The following DMD variants were observed in gnomAD, a reference collection of about 807,000 sequenced individuals.
DMD encodes mutant dystrophin.
In DMD, 63 loss-of-function variants were observed where a neutral mutation model predicts 330.1. The observed-to-expected ratio is 0.19, with a 90% CI of 0.16 to 0.24. DMD has a LOEUF of 0.24. Ranked by LOEUF, DMD falls within the 10% of genes least tolerant of loss-of-function variation. The probability of loss-of-function intolerance (pLI) is 1.00; values close to 1 mark genes in which losing one functional copy is unlikely to be tolerated. For missense variants in DMD, 3,344 were observed against 2,684.1 expected (o/e 1.25, Z -5.43); for synonymous variants, 1,223 against 959.8 (o/e 1.27, Z -5.07).
intron 2 of DMD, among the ~76,000 whole-genome samples, chrX:32,941,622 G>C (rs974130667): frequency 9.0e-6 from 1 of 110,917 alleles, no homozygotes; most frequent in Non-Finnish European, 1.9e-5. Context: ...TGGACATAAA[G>C]GTGAAAACGA....
At chrX:31,502,628 A>G (rs993326969) in intron 56 of DMD, among the ~76,000 whole-genome samples, 5 of 111,619 alleles carry the variant, frequency 4.5e-5, no homozygotes, top group African/African-American at 1.6e-4. Flanking sequence ...TTTCTGCCAA[A>G]TATAAAAATC....
chrX:31,299,907 T>C (rs2054512372), intron 62 of DMD, among the ~76,000 whole-genome samples: 1 of 111,620 alleles, frequency 9.0e-6, no homozygotes, highest in South Asian at 3.8e-4. Flanking sequence ...TATTTGGATT[T>C]ATGTGTCCAC....
chrX:31,394,707 T>C (rs974346295), intron 60 of DMD, among the ~76,000 whole-genome samples: 1 of 111,144 alleles, frequency 9.0e-6, no homozygotes, highest in African/African-American at 3.3e-5. Flanking sequence ...GGCAGGAGAA[T>C]TGCTTGAACC....
chrX:33,208,561 TA>T (rs2148854389), intron 1 of DMD, among the ~76,000 whole-genome samples: 1 of 111,214 alleles, frequency 9.0e-6, no homozygotes, highest in East Asian at 2.8e-4. Flanking sequence ...GTCAATTCCT[TA>T]AAAAATGATG....
chrX:31,684,273 G>A (rs2082551318), intron 52 of DMD, among the ~76,000 whole-genome samples: 1 of 112,233 alleles, frequency 8.9e-6, no homozygotes, highest in African/African-American at 3.2e-5. Flanking sequence ...GGTGTCAAGA[G>A]AAGTTTTTTC....
At chrX:31,558,671 C>T (rs867623432) in intron 55 of DMD, among the ~76,000 whole-genome samples, 10 of 106,079 alleles carry the variant, frequency 9.4e-5, no homozygotes, top group Non-Finnish European at 1.5e-4. Context: ...TATATGTGTG[C>T]GTATATATAT....
At chrX:31,312,092 C>G (rs1456409141) in intron 62 of DMD, among the ~76,000 whole-genome samples, 2 of 112,199 alleles carry the variant, frequency 1.8e-5, no homozygotes, top group Non-Finnish European at 3.8e-5. Flanking sequence ...CAACAAAAGA[C>G]AAAATTGAGA....
intron 43 of DMD, among the ~76,000 whole-genome samples, chrX:32,280,946 T>C (rs2097418535): frequency 8.9e-6 from 1 of 112,571 alleles, no homozygotes; most frequent in Admixed American, 9.4e-5. Context: ...TTCCCTACTG[T>C]CTGAATACAG....
At chrX:32,906,298 T>A (rs762480682) in intron 2 of DMD, among the ~76,000 whole-genome samples, 14 of 111,463 alleles carry the variant, frequency 1.3e-4, no homozygotes, top group African/African-American at 4.6e-4. Flanking sequence ...ACCGTCTGAG[T>A]CACCTCGCTC....
intron 2 of DMD, among the ~76,000 whole-genome samples, chrX:32,966,750 G>A (rs781360576): frequency 1.1e-4 from 12 of 111,721 alleles, no homozygotes; most frequent in Non-Finnish European, 2.1e-4. Flanking sequence ...ATTATCATTA[G>A]CGTAGCTGAT....
chrX:33,010,144 GTA>G (rs1317405008), intron 2 of DMD, among the ~76,000 whole-genome samples: 3 of 99,646 alleles, frequency 3.0e-5, no homozygotes, highest in African/African-American at 1.2e-4. Flanking sequence ...ATATATACGT[GTA>G]TATATACATG....
At chrX:32,261,399 C>T (rs917981856) in intron 43 of DMD, among the ~76,000 whole-genome samples, 1 of 111,427 alleles carries the variant, frequency 9.0e-6, no homozygotes. Flanking sequence ...AAAAAGTGTA[C>T]AGAATCCAGT....
intron 45 of DMD, among the ~76,000 whole-genome samples, chrX:31,948,386 G>T (rs2095116254): frequency 9.0e-6 from 1 of 111,596 alleles, no homozygotes; most frequent in South Asian, 3.8e-4. Flanking sequence ...TATATACCCA[G>T]GAGTGAGGTT....
chrX:31,844,753 G>A (rs183869223), intron 48 of DMD, among the ~76,000 whole-genome samples: 16 of 111,457 alleles, frequency 1.4e-4, no homozygotes, highest in Non-Finnish European at 2.3e-4. Flanking sequence ...TCTTTGGTTA[G>A]ATGTATTCCT....
At chrX:31,653,059 G>C (rs1209044090) in intron 54 of DMD, among the ~76,000 whole-genome samples, 1 of 111,463 alleles carries the variant, frequency 9.0e-6, no homozygotes, top group Non-Finnish European at 1.9e-5. Context: ...GAATGTAAAA[G>C]AGATCTAGTG....
At chrX:31,684,640 T>C (rs1250294157) in intron 52 of DMD, among the ~76,000 whole-genome samples, 6 of 112,025 alleles carry the variant, frequency 5.4e-5, no homozygotes, top group Non-Finnish European at 9.4e-5. Context: ...AGAAAACCCA[T>C]TGCTTCTTGT....
At chrX:31,645,834 A>AT (rs2080063501) in intron 54 of DMD, among the ~76,000 whole-genome samples, 1 of 112,223 alleles carries the variant, frequency 8.9e-6, no homozygotes, top group African/African-American at 3.2e-5. Flanking sequence ...ATGCACTGTA[A>AT]TAAGGGTCTG....
intron 1 of DMD, among the ~76,000 whole-genome samples, chrX:33,076,233 C>T (rs909397250): frequency 6.3e-5 from 7 of 111,318 alleles, no homozygotes; most frequent in Non-Finnish European, 1.3e-4. Context: ...TCCCCACCCA[C>T]CAAATTGTCC....
intron 62 of DMD, among the ~76,000 whole-genome samples, chrX:31,286,144 T>C (rs916681217): frequency 3.6e-5 from 4 of 112,297 alleles, no homozygotes; most frequent in African/African-American, 1.3e-4. Context: ...TGAACACCAA[T>C]ATTCCCAGCC....
Sources: allele counts gnomAD v4.1 joint callset (sites outside exome capture counted in the v4.1 genomes callset), GRCh38; gene constraint gnomAD v4.1.1; transcripts MANE v1.5; gene names NCBI Gene and HGNC (gene_info 2026-07-23, HGNC 2026-07-21).